The following MROH1 variants were observed in gnomAD, a reference collection of about 807,000 sequenced individuals.
MROH1 encodes the protein maestro heat like repeat family member 1, also known as maestro heat-like repeat-containing protein family member 1.
MROH1 carries 117 observed loss-of-function variants against 116.5 expected under a neutral mutation model. The observed-to-expected ratio is 1.00, with a 90% CI of 0.86 to 1.17. The LOEUF is 1.17. MROH1 is among the 50% of genes most tolerant of loss of function. The pLI is 0.00. For missense variants in MROH1, 1,873 were observed against 1,338.5 expected, an observed-to-expected ratio of 1.40 and a Z score of -6.23; for synonymous variants, 921 against 583.9, an observed-to-expected ratio of 1.58 and a Z score of -8.32.
At chr8:144,259,169 A>C in intron 36 of MROH1, 71 bp from the exon 37 acceptor site, 3 of 703,824 alleles carry the variant, frequency 4.3e-6, no homozygotes, top group African/African-American at 1.7e-5. Flanking sequence ...AGGGCTGTGC[A>C]GGGTGGAAGG....
chr8:144,192,688 G>A, intron 10 of MROH1: 1 of 593,934 alleles, frequency 1.7e-6, no homozygotes, highest in Non-Finnish European at 3.1e-6. Flanking sequence ...CCAGAGAAAG[G>A]TCAGCGCAGC....
intron 1 of MROH1, among the ~76,000 whole-genome samples, chr8:144,149,365 C>T (rs1242350260): frequency 6.6e-6 from 1 of 152,088 alleles, no homozygotes; most frequent in Non-Finnish European, 1.5e-5. Context: ...TTGAAACTGA[C>T]GTGCAGGCCG....
chr8:144,204,752 A>G (rs979857629), intron 12 of MROH1, among the ~76,000 whole-genome samples: 2 of 152,222 alleles, frequency 1.3e-5, no homozygotes, highest in African/African-American at 4.8e-5. Context: ...CCCGTGAAGG[A>G]TTCCAGTGAA....
At chr8:144,191,049 GTGCCCAA>G (rs1189451396) in intron 8 of MROH1, 114 bp downstream of exon 8, 1 of 1,151,848 alleles carries the variant, frequency 8.7e-7, no homozygotes, top group Admixed American at 2.7e-5. Context: ...GCAAGCAGAG[GTGCCCAA>G]TGGGAGGTGG....
At chr8:144,165,762 T>G (rs1820674433) in intron 3 of MROH1, among the ~76,000 whole-genome samples, 1 of 151,090 alleles carries the variant, frequency 6.6e-6, no homozygotes, top group Non-Finnish European at 1.5e-5. Context: ...TTTTTTTTTT[T>G]TGTAGAGACG....
Position 144,190,802 on chromosome 8 carries a change from A to G in MROH1, c.581A>G (p.Glu194Gly), listed in dbSNP as rs754409430. 6.2e-7 allele frequency: 1 copy of G among 1,613,582 alleles called. No individual in the cohort carries two copies. The highest frequency in any genetic ancestry group is 1.7e-5 in the Admixed American group (1 of 60,004). Residue 194 changes from glutamate (E) to glycine (G), a missense_variant, in exon 8 of 44, where the codon GAG becomes GGG. Physicochemically the swap from Glu to Gly is moderately conservative, Grantham distance 98 (BLOSUM62 -2). Coordinates refer to ENST00000326134, the MANE Select transcript of MROH1 (RefSeq NM_032450.3). Reference sequence around the variant, plus strand: ...TTTGTAGCTCTGCAGCGCTTCAGCGAGGGTGCCCTGGAGTACCTAGCCAAC... The same window carrying G: ...TTTGTAGCTCTGCAGCGCTTCAGCGGGGGTGCCCTGGAGTACCTAGCCAAC... The part of the protein sequence containing the change: ...AFCSALQRFS[E>G]GALEYLANLD...
chr8:144,233,977 C>T (rs1839475794), intron 14 of MROH1, among the ~76,000 whole-genome samples: 1 of 152,158 alleles, frequency 6.6e-6, no homozygotes, highest in African/African-American at 2.4e-5. Flanking sequence ...TGCACTGAAT[C>T]TGTATATGTT....
chr8:144,232,453 G>C (rs1717284637), intron 14 of MROH1, among the ~76,000 whole-genome samples: 1 of 151,762 alleles, frequency 6.6e-6, no homozygotes, highest in South Asian at 2.1e-4. Flanking sequence ...TGGTAGATTA[G>C]ATTGAGTGCT....
chr8:144,192,717 A>G (rs570022943), intron 10 of MROH1: 86 of 512,858 alleles, frequency 1.7e-4, no homozygotes, highest in Non-Finnish European at 2.7e-4. Context: ...CAGCTGGGGG[A>G]GACTGCCCTG....
chr8:144,252,764 C>T (rs928728053), intron 33 of MROH1: 1 of 151,420 alleles, frequency 6.6e-6, no homozygotes, highest in African/African-American at 2.4e-5. Flanking sequence ...CGAGACCAGC[C>T]TGACCAACGT....
At chr8:144,253,065 A>G (rs1395573525) in intron 33 of MROH1, among the ~76,000 whole-genome samples, 3 of 151,566 alleles carry the variant, frequency 2.0e-5, no homozygotes, top group Non-Finnish European at 2.9e-5. Context: ...AAGGCAGGAG[A>G]ATCGCTTGAA....
At chr8:144,162,283 T>C (rs531625570) in intron 2 of MROH1, among the ~76,000 whole-genome samples, 1 of 151,712 alleles carries the variant, frequency 6.6e-6, no homozygotes, top group African/African-American at 2.4e-5. Flanking sequence ...GACTGGATTT[T>C]ACCATGTTAG....
intron 8 of MROH1, among the ~76,000 whole-genome samples, chr8:144,191,313 A>G (rs1417830460): frequency 6.6e-6 from 1 of 152,076 alleles, no homozygotes; most frequent in African/African-American, 2.4e-5. Context: ...CAGGCGATCC[A>G]CCCGCCTTGG....
At chr8:144,258,200 A>G (rs1844272166) in intron 35 of MROH1, among the ~76,000 whole-genome samples, 1 of 152,104 alleles carries the variant, frequency 6.6e-6, no homozygotes, top group East Asian at 1.9e-4. Context: ...AGGTCTGGGG[A>G]GTCAGAGAGT....
rs201489274 is a variant in MROH1 at position 144,172,400 on chromosome 8, AC to A, written c.168+3961del. On this transcript the variant is annotated intron_variant, in intron 4 of 43. Transcript: ENST00000326134. ...ACTTCAAGTCCTTAGGCAACATTTA[AC>A]TTTTTTTTTTTCTTTTTTTTTTTCC... Among the ~76,000 whole-genome samples, 1,104 of 147,880 alleles carry A rather than the reference AC, an allele frequency of 7.5e-3. 13 individuals are homozygous for A. The highest frequency in any genetic ancestry group is 0.026 in the African/African-American group (1,059 of 40,044).
At chr8:144,167,045 C>T (rs1821003655) in intron 3 of MROH1, among the ~76,000 whole-genome samples, 1 of 152,222 alleles carries the variant, frequency 6.6e-6, no homozygotes, top group African/African-American at 2.4e-5. Flanking sequence ...GAGTCACGCA[C>T]TGATGCCTGT....
intron 5 of MROH1, 90 bp downstream of exon 5, chr8:144,179,676 G>T (rs1005072094): frequency 1.3e-6 from 2 of 1,494,106 alleles, no homozygotes; most frequent in South Asian, 2.5e-5. Context: ...AGCCTTGAGA[G>T]TATAGGGTGG....
At chr8:144,233,382 A>C (rs1344895090) in intron 14 of MROH1, among the ~76,000 whole-genome samples, 1 of 54,422 alleles carries the variant, frequency 1.8e-5, no homozygotes, top group Non-Finnish European at 3.8e-5. Context: ...CAGCTCCTGC[A>C]CCCACCATCC....
intron 1 of MROH1, among the ~76,000 whole-genome samples, chr8:144,154,267 CA>C (rs1176471759): frequency 2.6e-5 from 4 of 152,030 alleles, no homozygotes; most frequent in Admixed American, 1.3e-4. Flanking sequence ...AAGGTTTTAC[CA>C]TGTTGGTCAG....
Sources: gnomAD v4.1 joint callset for allele counts (sites outside exome capture counted in the v4.1 genomes callset) on GRCh38, gnomAD v4.1.1 for gene constraint, MANE v1.5 for transcripts, NCBI Gene and HGNC (gene_info 2026-07-23, HGNC 2026-07-21) for gene names.